ITPR2: variants seen among roughly 807,000 people sequenced by gnomAD.
ITPR2 encodes inositol 1,4,5-trisphosphate-gated calcium channel ITPR2.
ITPR2 carries 207 observed loss-of-function variants against 317.1 expected under a neutral mutation model. The ratio of observed to expected loss-of-function variants is 0.65; its 90% CI spans 0.58 to 0.73. The LOEUF (loss-of-function observed/expected upper bound fraction) is 0.73, where lower values mean the gene tolerates loss of function less well. Ranked by LOEUF, ITPR2 falls within the 30% of genes least tolerant of loss-of-function variation. The pLI is 0.00. For missense variants in ITPR2, 2,613 were observed against 3,284.0 expected (o/e 0.80, Z 4.99); for synonymous variants, 1,156 against 1,149.1 (o/e 1.01, Z -0.12).
At chr12:26,504,190 CTATT>C (rs954239602) in intron 37 of ITPR2, among the ~76,000 whole-genome samples, 3 of 152,068 alleles carry the variant, frequency 2.0e-5, no homozygotes, top group Non-Finnish European at 2.9e-5. Flanking sequence ...ATTTTCCCTC[CTATT>C]TAGTTTTAAC....
At chr12:26,379,593 C>T (rs1939444110) in intron 55 of ITPR2, among the ~76,000 whole-genome samples, 1 of 152,060 alleles carries the variant, frequency 6.6e-6, no homozygotes, top group South Asian at 2.1e-4. Context: ...CCAAATACGC[C>T]CTCCCCCTAT....
intron 45 of ITPR2, among the ~76,000 whole-genome samples, chr12:26,449,010 ATCT>A (rs1247515663): frequency 2.0e-5 from 3 of 152,110 alleles, no homozygotes; most frequent in Admixed American, 6.6e-5. Context: ...TTTCACATTT[ATCT>A]TCTTATCACT....
At chr12:26,796,345 G>A (rs1403798503) in intron 1 of ITPR2, among the ~76,000 whole-genome samples, 2 of 152,144 alleles carry the variant, frequency 1.3e-5, no homozygotes. Context: ...ATATCTTTTA[G>A]AAGTCCGATA....
chr12:26,800,074 C>T (rs1385711026), intron 1 of ITPR2, among the ~76,000 whole-genome samples: 1 of 152,178 alleles, frequency 6.6e-6, no homozygotes, highest in Non-Finnish European at 1.5e-5. Context: ...AAATCAGAAA[C>T]CCACCTAGTC....
intron 19 of ITPR2, among the ~76,000 whole-genome samples, 195 bp from the exon 20 acceptor site, chr12:26,656,047 A>T (rs1230861144): frequency 6.6e-6 from 1 of 152,214 alleles, no homozygotes; most frequent in Non-Finnish European, 1.5e-5. Flanking sequence ...AGTCTACCAC[A>T]ATATTAAGTA....
chr12:26,782,025 TATATATATGTATAG>T (rs1216583244), intron 2 of ITPR2, among the ~76,000 whole-genome samples: 43 of 27,372 alleles, frequency 1.6e-3, no homozygotes, highest in East Asian at 5.9e-3. Flanking sequence ...TATATATATA[TATATATATGTATAG>T]AGAGAGAGAG....
At chr12:26,475,485 T>C in intron 44 of ITPR2, 67 bp from the exon 45 acceptor site, 1 of 1,544,122 alleles carries the variant, frequency 6.5e-7, no homozygotes. Context: ...TTATGAGATT[T>C]AATTAAAAAT....
intron 13 of ITPR2, 144 bp from the exon 14 acceptor site, chr12:26,666,195 C>A: frequency 6.3e-6 from 2 of 316,710 alleles, no homozygotes; most frequent in South Asian, 6.1e-5. Context: ...GAGTGGAACT[C>A]AAATCCATGG....
chr12:26,766,462 T>C (rs1949720877), intron 2 of ITPR2, among the ~76,000 whole-genome samples: 1 of 152,188 alleles, frequency 6.6e-6, no homozygotes, highest in Admixed American at 6.5e-5. Context: ...CATTTTTCAA[T>C]TGGGTTGTCT....
intron 21 of ITPR2, 92 bp downstream of exon 21, chr12:26,653,884 G>T: frequency 1.0e-6 from 1 of 1,002,992 alleles, no homozygotes; most frequent in Non-Finnish European, 1.5e-6. Flanking sequence ...ATATTAGCAG[G>T]TACACAATAG....
At chr12:26,350,137 C>T (rs1938434775) in intron 55 of ITPR2, among the ~76,000 whole-genome samples, 1 of 152,084 alleles carries the variant, frequency 6.6e-6, no homozygotes, top group African/African-American at 2.4e-5. Context: ...AGCCTGAAGG[C>T]CCCTATCCCT....
intron 46 of ITPR2, among the ~76,000 whole-genome samples, chr12:26,442,687 T>C (rs1941513709): frequency 6.6e-6 from 1 of 152,172 alleles, no homozygotes; most frequent in Admixed American, 6.6e-5. Context: ...ATGGTACTAT[T>C]AATGTTTACA....
At chr12:26,620,147 T>C (rs1946459996) in intron 26 of ITPR2, among the ~76,000 whole-genome samples, 1 of 152,178 alleles carries the variant, frequency 6.6e-6, no homozygotes, top group Admixed American at 6.5e-5. Context: ...ATTCAACTTC[T>C]GCCAATGAGA....
intron 1 of ITPR2, among the ~76,000 whole-genome samples, chr12:26,801,499 C>T (rs180829233): frequency 6.6e-6 from 1 of 152,274 alleles, no homozygotes; most frequent in African/African-American, 2.4e-5. Flanking sequence ...ACCATACCAC[C>T]TACTGCTACC....
At chr12:26,791,883 T>A (rs1950347255) in intron 1 of ITPR2, among the ~76,000 whole-genome samples, 1 of 152,198 alleles carries the variant, frequency 6.6e-6, no homozygotes, top group African/African-American at 2.4e-5. Flanking sequence ...TTAAGACATG[T>A]TAAGAATTCA....
intron 31 of ITPR2, 77 bp from the exon 32 acceptor site, chr12:26,595,667 C>G (rs1265943114): frequency 8.4e-7 from 1 of 1,191,190 alleles, no homozygotes; most frequent in African/African-American, 1.6e-5. Context: ...GAAAGGTTAA[C>G]ATAAAATCTG....
intron 11 of ITPR2, 43 bp from the exon 12 acceptor site, chr12:26,682,716 G>A (rs757627592): frequency 8.4e-7 from 1 of 1,185,762 alleles, no homozygotes; most frequent in Non-Finnish European, 1.2e-6. Flanking sequence ...TAAAAAATTA[G>A]CACACTTACA....
intron 11 of ITPR2, among the ~76,000 whole-genome samples, chr12:26,685,038 C>A (rs1948100657): frequency 6.6e-6 from 1 of 152,138 alleles, no homozygotes; most frequent in South Asian, 2.1e-4. Context: ...GCTCTACCAG[C>A]AATGTTTCTC....
intron 9 of ITPR2, 49 bp from the exon 10 acceptor site, chr12:26,695,699 C>A (rs1416694126): frequency 1.7e-6 from 2 of 1,181,198 alleles, no homozygotes; most frequent in East Asian, 2.4e-5. Context: ...GAAAAGCACA[C>A]TAACAAGACC....
Sources: allele counts gnomAD v4.1 joint callset (sites outside exome capture counted in the v4.1 genomes callset), GRCh38; gene constraint gnomAD v4.1.1; transcripts MANE v1.5; gene names NCBI Gene and HGNC (gene_info 2026-07-23, HGNC 2026-07-21).